The following DMD variants were observed in gnomAD, a reference collection of about 807,000 sequenced individuals.
DMD encodes mutant dystrophin.
A neutral mutation model predicts 330.1 loss-of-function variants in DMD; 63 were observed. The ratio of observed to expected loss-of-function variants is 0.19; its 90% CI spans 0.16 to 0.24. The LOEUF (loss-of-function observed/expected upper bound fraction) is 0.24, where lower values mean the gene tolerates loss of function less well. Among genes scored for constraint, DMD ranks in the 10% least tolerant of loss-of-function variants. DMD has a pLI of 1.00. For missense variants in DMD, 3,344 were observed against 2,684.1 expected, an observed-to-expected ratio of 1.25 and a Z score of -5.43; for synonymous variants, 1,223 against 959.8, an observed-to-expected ratio of 1.27 and a Z score of -5.07.
chrX:32,359,217 G>A (rs2097821029), intron 37 of DMD, among the ~76,000 whole-genome samples: 1 of 111,866 alleles, frequency 8.9e-6, no homozygotes, highest in African/African-American at 3.3e-5. Flanking sequence ...TGCTTTCTGG[G>A]CTTCGGAATT....
At chrX:32,546,617 CT>C (rs1444660510) in intron 16 of DMD, among the ~76,000 whole-genome samples, 1 of 111,327 alleles carries the variant, frequency 9.0e-6, no homozygotes, top group Non-Finnish European at 1.9e-5. Context: ...AAAAGGCTAC[CT>C]TTTGTTAAAG....
intron 1 of DMD, among the ~76,000 whole-genome samples, chrX:33,265,555 T>G (rs1213678730): frequency 9.0e-6 from 1 of 111,410 alleles, no homozygotes; most frequent in East Asian, 2.8e-4. Flanking sequence ...TATTGATAAT[T>G]TAAAAAATGA....
intron 60 of DMD, among the ~76,000 whole-genome samples, 155 bp from the exon 61 acceptor site, chrX:31,348,789 A>G (rs769760928): frequency 8.9e-6 from 1 of 112,374 alleles, no homozygotes; most frequent in African/African-American, 3.2e-5. Flanking sequence ...CACTTACCGT[A>G]TATAGTATTC....
chrX:31,736,527 A>G, intron 51 of DMD, among the ~76,000 whole-genome samples: 1 of 111,864 alleles, frequency 8.9e-6, no homozygotes, highest in Non-Finnish European at 1.9e-5. Context: ...AGGCTAGGAT[A>G]GACTTGGGAA....
intron 30 of DMD, among the ~76,000 whole-genome samples, chrX:32,396,413 G>A (rs1171383030): frequency 9.0e-6 from 1 of 111,065 alleles, no homozygotes; most frequent in East Asian, 2.8e-4. Context: ...CATATTTGTA[G>A]TACTGTTCCA....
At chrX:32,600,759 C>A (rs808527) in intron 12 of DMD, among the ~76,000 whole-genome samples, 57,493 of 109,415 alleles carry the variant, frequency 0.53, 12,561 homozygotes, top group African/African-American at 0.84. Context: ...TAGTTTATCT[C>A]AATAAATGCA....
intron 44 of DMD, among the ~76,000 whole-genome samples, chrX:32,015,463 C>T (rs917650930): frequency 1.8e-5 from 2 of 110,945 alleles, no homozygotes; most frequent in East Asian, 5.7e-4. Context: ...CAAAGACTGC[C>T]GGGCTACACC....
intron 43 of DMD, among the ~76,000 whole-genome samples, chrX:32,260,429 G>T (rs955572123): frequency 2.3e-4 from 26 of 111,419 alleles, no homozygotes; most frequent in Non-Finnish European, 4.7e-4. Flanking sequence ...CCACTCTTTG[G>T]TGAATGGTAC....
intron 55 of DMD, chrX:31,508,583 C>A: frequency 1.5e-5 from 2 of 130,857 alleles, no homozygotes; most frequent in Non-Finnish European, 3.1e-5. Flanking sequence ...TTCCTTGTTC[C>A]CAGCAGAATA....
chrX:32,127,420 G>A (rs748457292), intron 44 of DMD, among the ~76,000 whole-genome samples: 8 of 111,069 alleles, frequency 7.2e-5, no homozygotes, highest in African/African-American at 2.3e-4. Context: ...GTTCTCTGTG[G>A]GAAGATAGAA....
chrX:32,915,362 A>C (rs1008886180), intron 2 of DMD, among the ~76,000 whole-genome samples: 1 of 112,045 alleles, frequency 8.9e-6, no homozygotes, highest in South Asian at 3.7e-4. Context: ...GGTAAAATAT[A>C]ATTTATCCTG....
intron 42 of DMD, among the ~76,000 whole-genome samples, chrX:32,293,171 T>G (rs764782653): frequency 5.3e-5 from 6 of 112,561 alleles, no homozygotes; most frequent in African/African-American, 1.9e-4. Context: ...AGAAACAATC[T>G]GAGAATTTAC....
At chrX:32,697,306 T>C (rs1472811740) in intron 9 of DMD, among the ~76,000 whole-genome samples, 1 of 111,504 alleles carries the variant, frequency 9.0e-6, no homozygotes, top group Non-Finnish European at 1.9e-5. Context: ...CTGGTTTCAG[T>C]GTGACTTTTT....
intron 42 of DMD, among the ~76,000 whole-genome samples, chrX:32,307,791 G>A (rs2097546072): frequency 9.0e-6 from 1 of 111,271 alleles, no homozygotes; most frequent in African/African-American, 3.3e-5. Context: ...GTTTAACACA[G>A]TAATTATATT....
At chrX:32,076,718 C>G (rs150536615) in intron 44 of DMD, among the ~76,000 whole-genome samples, 1 of 111,331 alleles carries the variant, frequency 9.0e-6, no homozygotes, top group African/African-American at 3.3e-5. Context: ...AAAGAACATT[C>G]TAGGAAGACA....
intron 18 of DMD, among the ~76,000 whole-genome samples, chrX:32,503,470 G>A (rs752102514): frequency 1.8e-5 from 2 of 112,427 alleles, no homozygotes; most frequent in Admixed American, 1.9e-4. Context: ...ATTAAATTAT[G>A]TAAATGCTTA....
intron 57 of DMD, among the ~76,000 whole-genome samples, chrX:31,496,527 T>C (rs759014405): frequency 6.8e-4 from 76 of 112,287 alleles, no homozygotes; most frequent in African/African-American, 2.2e-3. Flanking sequence ...TCTACTTTTG[T>C]ATATGTTCAA....
At chrX:31,946,020 A>G (rs1218019691) in intron 45 of DMD, among the ~76,000 whole-genome samples, 1 of 112,380 alleles carries the variant, frequency 8.9e-6, no homozygotes, top group Non-Finnish European at 1.9e-5. Context: ...GGTCCTCAAC[A>G]TTTATAATTT....
At chrX:31,722,600 CCTGGT>C (rs2085654269) in intron 52 of DMD, among the ~76,000 whole-genome samples, 1 of 111,233 alleles carries the variant, frequency 9.0e-6, no homozygotes, top group Non-Finnish European at 1.9e-5. Flanking sequence ...GCATCAGAAA[CCTGGT>C]CTACCTAAAC....
Sources: gnomAD v4.1 joint callset for allele counts (sites outside exome capture counted in the v4.1 genomes callset) on GRCh38, gnomAD v4.1.1 for gene constraint, MANE v1.5 for transcripts, NCBI Gene and HGNC (gene_info 2026-07-23, HGNC 2026-07-21) for gene names.